Variants in ACLY observed in about 807,000 individuals in gnomAD.
ACLY encodes the protein ATP-citrate synthase.
Under a neutral mutation model 133.0 loss-of-function variants are expected in ACLY, and 41 were observed. The ratio of observed to expected loss-of-function variants is 0.31; its 90% CI spans 0.24 to 0.40. The LOEUF is 0.40. Ranked by LOEUF, ACLY falls within the 10% of genes least tolerant of loss-of-function variation. ACLY has a pLI of 1.00. For synonymous variants in ACLY, 495 were observed against 549.3 expected, an observed-to-expected ratio of 0.90 and a Z score of 1.38; for missense variants, 1,046 against 1,453.8, an observed-to-expected ratio of 0.72 and a Z score of 4.56.
At chr17:41,879,388 G>A (rs1157194412) in intron 20 of ACLY, among the ~76,000 whole-genome samples, 4 of 149,490 alleles carry the variant, frequency 2.7e-5, no homozygotes, top group South Asian at 4.3e-4. Flanking sequence ...TTACAGGTGT[G>A]AGCCACCACG....
chr17:41,907,730 A>T (rs1346610429), intron 6 of ACLY, among the ~76,000 whole-genome samples, 158 bp from the exon 7 acceptor site: 1 of 152,176 alleles, frequency 6.6e-6, no homozygotes, highest in Non-Finnish European at 1.5e-5. Context: ...ATGGAGACAG[A>T]GCTTTTCCCC....
chr17:41,875,015 A>T (rs2048697475), intron 22 of ACLY, among the ~76,000 whole-genome samples: 1 of 152,172 alleles, frequency 6.6e-6, no homozygotes, highest in South Asian at 2.1e-4. Flanking sequence ...CCAAAGGGAA[A>T]ATCTTACATA....
intron 17 of ACLY, among the ~76,000 whole-genome samples, chr17:41,886,795 C>T (rs1252939655): frequency 1.3e-5 from 2 of 151,832 alleles, no homozygotes; most frequent in African/African-American, 4.8e-5. Flanking sequence ...ACAGCAAGAC[C>T]CTGCTTCTTA....
At chr17:41,883,288 A>G in intron 19 of ACLY, 56 bp from the exon 20 acceptor site, 1 of 1,455,670 alleles carries the variant, frequency 6.9e-7, no homozygotes, top group South Asian at 1.1e-5. Flanking sequence ...ATCCTGACGT[A>G]AAAACTGGAT....
At chr17:41,907,722 G>A in intron 6 of ACLY, 150 bp from the exon 7 acceptor site, 1 of 870,970 alleles carries the variant, frequency 1.1e-6, no homozygotes, top group East Asian at 2.7e-5. Flanking sequence ...AGGCCCTTAT[G>A]GAGACAGAGC....
At chr17:41,867,974 G>T in intron 28 of ACLY, 70 bp from the exon 29 acceptor site, 1 of 1,149,176 alleles carries the variant, frequency 8.7e-7, no homozygotes, top group Non-Finnish European at 1.3e-6. Context: ...GGCTAAGGAA[G>T]GGAAATCTTT....
intron 25 of ACLY, among the ~76,000 whole-genome samples, chr17:41,870,909 C>T (rs1183303923): frequency 1.3e-5 from 2 of 152,204 alleles, no homozygotes; most frequent in Middle Eastern, 3.2e-3. Flanking sequence ...TCCCAGACGG[C>T]GGCTGTTCTT....
rs1555627819 is a variant in ACLY at position 41,884,273 on chromosome 17, A to AC, written c.2073dup (p.Tyr692ValfsTer32). ...TGATCCATGAATGTGGAGCCCGGGT[A>AC]CCTGTTGAGAGCAGGGAGTATCAGG... On this transcript the variant is annotated frameshift_variant and splice_region_variant, in exon 19 of 29. Transcript: ENST00000352035. LOFTEE classifies it high-confidence loss of function. 6.2e-7 allele frequency: 1 copy of AC among 1,603,740 alleles called. No individual in the cohort carries two copies. The highest frequency in any genetic ancestry group is 8.5e-7 in the Non-Finnish European group (1 of 1,170,646).
At chr17:41,930,461 C>A in exon 1 of ACLY, 1 of 409,266 alleles carries the variant, frequency 2.4e-6, no homozygotes, top group Non-Finnish European at 4.5e-6. Context: ...CAGAGAGAAC[C>A]GCCAGAGCGT....
intron 3 of ACLY, among the ~76,000 whole-genome samples, chr17:41,910,616 C>T (rs930877173): frequency 6.6e-6 from 1 of 152,280 alleles, no homozygotes; most frequent in African/African-American, 2.4e-5. Context: ...GAGGGGAAAC[C>T]GGGTAGAAGG....
At chr17:41,892,495 C>G (rs2049243005) in intron 15 of ACLY, 48 bp from the exon 16 acceptor site, 1 of 1,565,720 alleles carries the variant, frequency 6.4e-7, no homozygotes, top group African/African-American at 1.4e-5. Flanking sequence ...CCTGTCAGGA[C>G]TGGGGAAGGG....
chr17:41,901,671 G>T, intron 11 of ACLY, 25 bp downstream of exon 11: 1 of 1,592,360 alleles, frequency 6.3e-7, no homozygotes, highest in Non-Finnish European at 8.6e-7. Flanking sequence ...CAGGGTGAGG[G>T]GGAGAGAAAA....
chr17:41,872,072 T>C lies in ACLY; in HGVS notation c.2753A>G (p.Lys918Arg), dbSNP rs1555625205. The change falls in exon 24 of 29, where the codon AAA (lysine) becomes AGA (arginine). Residue 918 changes from lysine to arginine, a missense_variant. By Grantham distance (26) the Lys-to-Arg change is conservative. This residue lies in a region of ACLY where 205 missense variants were observed against 373.3 expected (regional missense o/e 0.55). Coordinates refer to ENST00000352035, the MANE Select transcript of ACLY (RefSeq NM_001096.3). The stretch of plus-strand genomic sequence containing the variant: ...CGAGGTGAGGCTGGAGACCAGGTCT[T>C]TCCCAGCTCGCGCACAAATGATGGT... ...HNTIICARAG[K>R]DLVSSLTSGL... is the part of the protein sequence containing the mutation. 2.5e-6 allele frequency: 4 copies of C among 1,614,016 alleles called. No homozygotes were observed. Among genetic ancestry groups the C allele is most frequent in the Non-Finnish European group, 3.4e-6 (4 of 1,179,952 alleles).
At chr17:41,868,572 T>C in intron 28 of ACLY, 137 bp downstream of exon 28, 1 of 542,496 alleles carries the variant, frequency 1.8e-6, no homozygotes, top group Non-Finnish European at 3.1e-6. Flanking sequence ...ACATTTCTTC[T>C]GTAGAAACTG....
chr17:41,909,984 T>C (rs899495321), intron 4 of ACLY, among the ~76,000 whole-genome samples: 1 of 152,112 alleles, frequency 6.6e-6, no homozygotes, highest in Non-Finnish European at 1.5e-5. Context: ...GTCGTTCTCA[T>C]CCCTGCACTT....
At chr17:41,928,548 G>GAA (rs781920464) in intron 1 of ACLY, among the ~76,000 whole-genome samples, 5 of 140,740 alleles carry the variant, frequency 3.6e-5, no homozygotes, top group African/African-American at 2.6e-5. Context: ...GTTAATTACT[G>GAA]AAAAAAAAAA....
chr17:41,916,170 A>G (rs1567916477), intron 1 of ACLY, among the ~76,000 whole-genome samples: 1 of 152,216 alleles, frequency 6.6e-6, no homozygotes, highest in South Asian at 2.1e-4. Flanking sequence ...AATACAGGAT[A>G]GAAAACAAGA....
At chr17:41,910,583 C>T (rs1437455635) in intron 3 of ACLY, among the ~76,000 whole-genome samples, 4 of 152,204 alleles carry the variant, frequency 2.6e-5, no homozygotes, top group Admixed American at 1.3e-4. Context: ...CAACAAGTCA[C>T]GGCTGTGGCA....
At chr17:41,878,079 G>C (rs377702301) in intron 22 of ACLY, 24 bp downstream of exon 22, 1 of 1,500,170 alleles carries the variant, frequency 6.7e-7, no homozygotes, top group Non-Finnish European at 8.9e-7. Flanking sequence ...TGCTCACACT[G>C]TTAGAGACAT....
Sources: allele counts gnomAD v4.1 joint callset (sites outside exome capture counted in the v4.1 genomes callset), GRCh38; gene constraint gnomAD v4.1.1; regional missense constraint gnomAD v4.1.1; transcripts MANE v1.5; gene names NCBI Gene and HGNC (gene_info 2026-07-23, HGNC 2026-07-21).